Variants in NR2F1-AS1 observed in about 807,000 individuals in gnomAD.
The protein encoded by NR2F1-AS1 is NR2F1 regulatory antisense RNA 1.
intron 4 of NR2F1-AS1, among the ~76,000 whole-genome samples, chr5:93,438,096 T>C (rs937080916): frequency 6.6e-6 from 1 of 152,178 alleles, no homozygotes; most frequent in Non-Finnish European, 1.5e-5. Context: ...TAGCCTCTTA[T>C]AAGATTGGGA....
At chr5:93,477,192 T>C (rs866151362) in intron 4 of NR2F1-AS1, among the ~76,000 whole-genome samples, 2 of 152,162 alleles carry the variant, frequency 1.3e-5, no homozygotes, top group Admixed American at 6.5e-5. Context: ...AAGCTGTTTA[T>C]AGCAACATAA....
chr5:93,581,682 CT>C (rs1753042722), upstream of NR2F1-AS1, among the ~76,000 whole-genome samples: 3 of 44,440 alleles, frequency 6.8e-5, no homozygotes, highest in African/African-American at 2.9e-4. Flanking sequence ...CTCTCTCTCT[CT>C]CTCTCTCTCT....
At chr5:93,413,113 A>G (rs1748894482) in intron 4 of NR2F1-AS1, among the ~76,000 whole-genome samples, 1 of 146,196 alleles carries the variant, frequency 6.8e-6, no homozygotes, top group Non-Finnish European at 1.5e-5. Flanking sequence ...TGTGTATGCA[A>G]TTAGAATCTA....
chr5:93,543,035 T>G (rs1751990074), intron 4 of NR2F1-AS1: 1 of 152,188 alleles, frequency 6.6e-6, no homozygotes, highest in Non-Finnish European at 1.5e-5. Context: ...TGGCCCTCAT[T>G]AGGATTTACT....
intron 4 of NR2F1-AS1, among the ~76,000 whole-genome samples, chr5:93,531,153 T>C (rs547057022): frequency 1.1e-4 from 16 of 152,298 alleles, no homozygotes; most frequent in African/African-American, 3.8e-4. Context: ...ACTACAGCAG[T>C]ATTCATGATA....
intron 1 of NR2F1-AS1, chr5:93,570,302 C>T (rs1752722165): frequency 6.6e-6 from 1 of 152,432 alleles, no homozygotes; most frequent in South Asian, 2.1e-4. Flanking sequence ...GCTTCCTACC[C>T]CTACCAGCAG....
At chr5:93,462,287 T>C (rs1388529418) in intron 4 of NR2F1-AS1, among the ~76,000 whole-genome samples, 1 of 152,142 alleles carries the variant, frequency 6.6e-6, no homozygotes, top group African/African-American at 2.4e-5. Context: ...CGAGATCTGA[T>C]GGTTTTTAAA....
exon 4 of NR2F1-AS1, chr5:93,553,790 T>C (rs1752286223): frequency 6.6e-6 from 1 of 152,216 alleles, no homozygotes; most frequent in African/African-American, 2.4e-5. Flanking sequence ...CAAGTTGTTG[T>C]TCCATAGTTG....
At chr5:93,433,554 T>A (rs1267785217) in intron 4 of NR2F1-AS1, among the ~76,000 whole-genome samples, 1 of 152,196 alleles carries the variant, frequency 6.6e-6, no homozygotes, top group Non-Finnish European at 1.5e-5. Flanking sequence ...GTCAGGCAAT[T>A]TCATCATTAT....
intron 4 of NR2F1-AS1, among the ~76,000 whole-genome samples, chr5:93,534,659 G>T (rs1365298681): frequency 6.6e-6 from 1 of 152,070 alleles, no homozygotes; most frequent in Non-Finnish European, 1.5e-5. Flanking sequence ...AGGTAGGAAG[G>T]CCTATACGGA....
Position 93,440,050 on chromosome 5 carries a change from A to G in NR2F1-AS1, n.639-44508T>C, listed in dbSNP as rs529445813. On this transcript the variant is annotated intron_variant and non_coding_transcript_variant, in intron 4 of 5. Transcript: ENST00000660523. ...TCATTATAAACAGATAAATAATCAG[A>G]TAAGTCTTTGGAAAGTAAAAAAGGG... Among the ~76,000 whole-genome samples the G allele has an allele frequency of 5.3e-5, 8 of 152,332 alleles. No homozygotes were observed. In the East Asian group the frequency reaches 1.5e-3, roughly 29 times the overall value.
At chr5:93,457,208 A>G (rs1026640503) in intron 4 of NR2F1-AS1, among the ~76,000 whole-genome samples, 13 of 152,126 alleles carry the variant, frequency 8.5e-5, no homozygotes, top group African/African-American at 2.4e-4. Context: ...CCACGAGGCC[A>G]TATTTCAGAT....
At chr5:93,533,555 T>C (rs1561487032) in intron 4 of NR2F1-AS1, among the ~76,000 whole-genome samples, 1 of 152,010 alleles carries the variant, frequency 6.6e-6, no homozygotes, top group Non-Finnish European at 1.5e-5. Flanking sequence ...ACTAGATAAA[T>C]GGTAAATAAT....
At chr5:93,489,553 T>A (rs1441376671) in intron 4 of NR2F1-AS1, among the ~76,000 whole-genome samples, 1 of 152,120 alleles carries the variant, frequency 6.6e-6, no homozygotes, top group Non-Finnish European at 1.5e-5. Context: ...CGGTACCAAA[T>A]CTGCAGTATT....
intron 4 of NR2F1-AS1, among the ~76,000 whole-genome samples, chr5:93,503,234 T>C (rs543906073): frequency 1.3e-5 from 2 of 152,306 alleles, no homozygotes; most frequent in African/African-American, 4.8e-5. Flanking sequence ...TTAAACAGAG[T>C]AATTTGATTA....
At chr5:93,446,802 A>G (rs974602559) in intron 4 of NR2F1-AS1, among the ~76,000 whole-genome samples, 3 of 152,202 alleles carry the variant, frequency 2.0e-5, no homozygotes, top group Admixed American at 6.5e-5. Context: ...ACTTCAAACT[A>G]TACTACAAGG....
chr5:93,442,750 G>C (rs1749601016), intron 4 of NR2F1-AS1, among the ~76,000 whole-genome samples: 1 of 152,198 alleles, frequency 6.6e-6, no homozygotes, highest in Non-Finnish European at 1.5e-5. Context: ...TCCTGAAGTG[G>C]GTCCCTGACC....
chr5:93,458,646 A>C (rs1580242560), intron 4 of NR2F1-AS1, among the ~76,000 whole-genome samples: 1 of 152,290 alleles, frequency 6.6e-6, no homozygotes, highest in Admixed American at 6.5e-5. Flanking sequence ...CCATAAAACA[A>C]AAAACCAAAA....
At chr5:93,474,897 A>G (rs146858372) in intron 4 of NR2F1-AS1, among the ~76,000 whole-genome samples, 2,558 of 152,234 alleles carry the variant, frequency 0.017, 75 homozygotes, top group African/African-American at 0.058. Flanking sequence ...TGGCCGAGGC[A>G]GGCAGATCAC....
Sources: gnomAD v4.1 joint callset for allele counts (sites outside exome capture counted in the v4.1 genomes callset) on GRCh38, gnomAD v4.1.1 for gene constraint, MANE v1.5 for transcripts, NCBI Gene and HGNC (gene_info 2026-07-23, HGNC 2026-07-21) for gene names.